SANBR: variants seen among roughly 807,000 people sequenced by gnomAD.
The protein encoded by SANBR is SANT and BTB domain regulator of CSR, also known as SANT and BTB domain regulator of class switch recombination.
SANBR carries 77 observed loss-of-function variants against 101.8 expected under a neutral mutation model. The observed-to-expected ratio is 0.76, with a 90% CI of 0.63 to 0.91. The LOEUF is 0.91. Among genes scored for constraint, SANBR ranks in the 40% least tolerant of loss-of-function variants. The pLI is 0.00. For missense variants in SANBR, 875 were observed against 853.0 expected, an observed-to-expected ratio of 1.03 and a Z score of -0.32; for synonymous variants, 279 against 274.7, an observed-to-expected ratio of 1.02 and a Z score of -0.15.
chr2:61,103,055 G>A (rs1193805545), intron 12 of SANBR, among the ~76,000 whole-genome samples: 1 of 151,912 alleles, frequency 6.6e-6, no homozygotes, highest in Non-Finnish European at 1.5e-5. Flanking sequence ...GTATATTCAT[G>A]CAGTGAAACA....
Position 61,118,108 on chromosome 2 carries a change from G to A in SANBR, c.2020G>A (p.Ala674Thr), listed in dbSNP as rs148264616. Residue 674 changes from alanine to threonine, a missense_variant, in exon 20 of 22, where the codon GCA becomes ACA. Transcript: ENST00000402291. ...GDLDRVKSKE[A>T]KEFAGGIYSR... Reference sequence around the variant, plus strand: ...TCTGGACCGAGTCAAGTCAAAGGAAGCAAAAGAAGTAAGAATTGTGTACTA... The same window carrying A: ...TCTGGACCGAGTCAAGTCAAAGGAAACAAAAGAAGTAAGAATTGTGTACTA... The A allele has an allele frequency of 9.4e-4, 1,509 of 1,610,506 alleles. 2 individuals carry two copies. Among genetic ancestry groups the A allele is most frequent in the Non-Finnish European group, 1.2e-3 (1,360 of 1,177,442 alleles).
chr2:61,135,652 C>T (rs1254177624), intron 21 of SANBR, among the ~76,000 whole-genome samples: 1 of 152,148 alleles, frequency 6.6e-6, no homozygotes, highest in Non-Finnish European at 1.5e-5. Flanking sequence ...TATACCAGAG[C>T]ACTATCATTA....
chr2:61,098,753 A>G (rs1683153158), intron 12 of SANBR, among the ~76,000 whole-genome samples: 1 of 152,248 alleles, frequency 6.6e-6, no homozygotes, highest in Non-Finnish European at 1.5e-5. Flanking sequence ...GCTCTTTATC[A>G]TCATCCATAC....
intron 5 of SANBR, among the ~76,000 whole-genome samples, chr2:61,076,236 A>G (rs889569136): frequency 2.7e-5 from 4 of 148,150 alleles, no homozygotes; most frequent in Non-Finnish European, 4.5e-5. Context: ...CTCGTGATCC[A>G]CCCGCCTCAG....
At chr2:61,111,976 C>T (rs779736848) in intron 16 of SANBR, among the ~76,000 whole-genome samples, 2 of 152,156 alleles carry the variant, frequency 1.3e-5, no homozygotes. Context: ...GTGCTTTCCT[C>T]TTGTTGGCTG....
intron 16 of SANBR, 92 bp downstream of exon 16, chr2:61,109,388 T>C (rs72809469): frequency 0.1 from 64,648 of 641,960 alleles, 3,896 homozygotes; most frequent in Admixed American, 0.16. Context: ...ATTGGTTTTA[T>C]ATAGAGAGTA....
At chr2:61,112,421 T>G (rs572217482) in intron 16 of SANBR, among the ~76,000 whole-genome samples, 10 of 152,346 alleles carry the variant, frequency 6.6e-5, no homozygotes, top group African/African-American at 2.2e-4. Flanking sequence ...GTATATACTT[T>G]AGATCTAAGT....
chr2:61,109,355 G>A, intron 16 of SANBR, 59 bp downstream of exon 16: 2 of 939,338 alleles, frequency 2.1e-6, no homozygotes, highest in Non-Finnish European at 3.2e-6. Flanking sequence ...ACATTCTGAA[G>A]CCTTTAATGC....
intron 6 of SANBR, among the ~76,000 whole-genome samples, chr2:61,080,923 G>GTTTACA (rs1682089226): frequency 6.6e-6 from 1 of 152,110 alleles, no homozygotes; most frequent in African/African-American, 2.4e-5. Context: ...TACAGCATCA[G>GTTTACA]GCGGCATCCC....
In SANBR at chr2:61,104,001, G is replaced by A; in HGVS notation, c.1511+3G>A. ...CCTTTTTCAAAAGATACAGTTAGGT[G>A]AGGGGTGGAAAAACCCAACACTGTA... On this transcript the variant is annotated splice_donor_region_variant and intron_variant, in intron 13 of 21. Coordinates refer to ENST00000402291, the MANE Select transcript of SANBR (RefSeq NM_001129993.3). The A allele has an allele frequency of 1.2e-6, 2 of 1,613,708 alleles. No individual in the cohort carries two copies. The highest frequency in any genetic ancestry group is 8.5e-7 in the Non-Finnish European group (1 of 1,179,702).
chr2:61,124,494 G>A (rs1323573101), downstream of SANBR, among the ~76,000 whole-genome samples: 1 of 152,056 alleles, frequency 6.6e-6, no homozygotes, highest in Non-Finnish European at 1.5e-5. Flanking sequence ...GAGCCCAGGA[G>A]TTCAAGATCA....
Position 61,123,827 on chromosome 2 carries a change from C to G in SANBR, c.*1665C>G. On this transcript the variant is annotated 3_prime_UTR_variant, in exon 22 of 22. Coordinates refer to ENST00000402291, the MANE Select transcript of SANBR (RefSeq NM_001129993.3). ...ATGCTTTTGGCCAGGTGTAGTGGCT[C>G]ACGCCAGTAATCCCAGCACTTTGGG... The G allele has an allele frequency of 1.0e-6, 1 of 979,546 alleles. No individual in the cohort carries two copies. The highest frequency in any genetic ancestry group is 5.2e-4 in the Middle Eastern group (1 of 1,914). 60.7% of individuals were successfully genotyped at this position (979,546 alleles called of 1,614,324 possible).
chr2:61,089,188 T>C lies in SANBR; in HGVS notation c.1088+720T>C. ...CTTTAGCATTGGATTTTCTGTCATC[T>C]ATTTGTTCTTCATACTTTGTCAGTA... is the stretch of plus-strand genomic sequence containing the variant. On this transcript the variant is annotated intron_variant, in intron 10 of 21. Coordinates refer to ENST00000402291, the MANE Select transcript of SANBR (RefSeq NM_001129993.3). 3 of 985,334 alleles carry C rather than the reference T, an allele frequency of 3.0e-6. 1 individual carries two copies. In the South Asian group the frequency reaches 1.4e-4, roughly 46 times the overall value. 61.0% of individuals were successfully genotyped at this position (985,334 alleles called of 1,614,324 possible). A position where few individuals can be genotyped will look rare whatever the true frequency, so the allele number is the denominator to read the frequency against.
At chr2:61,081,648 A>T (rs1392197904) in intron 7 of SANBR, 138 bp downstream of exon 7, 1 of 1,004,578 alleles carries the variant, frequency 1.0e-6, no homozygotes, top group African/African-American at 1.7e-5. Context: ...TTAATTCAGG[A>T]ATATAATTTC....
At chr2:61,066,163 C>G (rs1477044997) in intron 1 of SANBR, 136 bp downstream of exon 1, 2 of 152,846 alleles carry the variant, frequency 1.3e-5, no homozygotes, top group African/African-American at 2.4e-5. Context: ...CAAACGCCCC[C>G]GAACGCCCCC....
chr2:61,070,271 C>G (rs955986862), intron 2 of SANBR, 71 bp from the exon 3 acceptor site: 7 of 1,123,112 alleles, frequency 6.2e-6, no homozygotes, highest in African/African-American at 1.6e-5. Flanking sequence ...TGAATTATAA[C>G]TGATCTGTAA....
chr2:61,082,457 A>G (rs544814202), intron 7 of SANBR, among the ~76,000 whole-genome samples: 2 of 152,258 alleles, frequency 1.3e-5, no homozygotes, highest in South Asian at 4.2e-4. Flanking sequence ...CAACTGAGAA[A>G]ATTCGGAATT....
intron 12 of SANBR, among the ~76,000 whole-genome samples, chr2:61,101,984 A>T (rs1364737196): frequency 6.6e-6 from 1 of 151,104 alleles, no homozygotes; most frequent in African/African-American, 2.4e-5. Flanking sequence ...GTGAGCCAGG[A>T]TTGGACCATT....
intron 5 of SANBR, chr2:61,074,947 T>A (rs1291226753): frequency 6.6e-6 from 1 of 151,740 alleles, no homozygotes; most frequent in Non-Finnish European, 1.5e-5. Flanking sequence ...CTTTTTCTGG[T>A]AGCCCAATTT....
Sources: allele counts gnomAD v4.1 joint callset (sites outside exome capture counted in the v4.1 genomes callset), GRCh38; gene constraint gnomAD v4.1.1; transcripts MANE v1.5; gene names NCBI Gene and HGNC (gene_info 2026-07-23, HGNC 2026-07-21).